ATP13A5: variants seen among roughly 807,000 people sequenced by gnomAD.
ATP13A5 encodes the protein probable cation-transporting ATPase 13A5.
Under a neutral mutation model 150.2 loss-of-function variants are expected in ATP13A5, and 149 were observed. The ratio of observed to expected loss-of-function variants is 0.99; its 90% CI spans 0.87 to 1.14. ATP13A5 has a LOEUF of 1.14. ATP13A5 is among the 50% of genes most tolerant of loss of function. ATP13A5 has a pLI of 0.00. For synonymous variants in ATP13A5, 497 were observed against 522.2 expected (o/e 0.95, Z 0.66); for missense variants, 1,383 against 1,449.3 (o/e 0.95, Z 0.74).
At position 193,307,379 on chromosome 3, in the gene ATP13A5, A is replaced by T. The variant is rs1718658533; in HGVS notation, c.2526-10T>A. ...CATGCCCACATAATAACTGCGGGAG[A>T]CAGGAGAAGAAGGATTAATAGGTAA... On this transcript the variant is annotated splice_polypyrimidine_tract_variant and intron_variant, in intron 21 of 29. Coordinates refer to ENST00000342358, the MANE Select transcript of ATP13A5 (RefSeq NM_198505.4). 1.4e-5 allele frequency: 22 copies of T among 1,613,688 alleles called. No homozygotes were observed. Among genetic ancestry groups the T allele is most frequent in the Non-Finnish European group, 1.9e-5 (22 of 1,179,782 alleles).
chr3:193,331,244 G>A lies in ATP13A5; in HGVS notation c.1340C>T (p.Pro447Leu), dbSNP rs567460397. The change falls in exon 12 of 30, where the codon CCA becomes CTA. Residue 447 changes from proline (P) to leucine (L), a missense_variant. Pro to Leu is a moderately conservative substitution (Grantham distance 98, BLOSUM62 -3). Coordinates refer to ENST00000342358, the MANE Select transcript of ATP13A5 (RefSeq NM_198505.4). ...LLTVTVPPVL[P>L]AALTIGNVYA... The stretch of plus-strand genomic sequence containing the variant: ...CACGTTGCCTATGGTCAGGGCAGCT[G>A]GCAGCACTGGAGGGACAGTCACGGT... The A allele has an allele frequency of 1.6e-5, 26 of 1,614,076 alleles. No individual in the cohort carries two copies. The South Asian group carries it at 2.6e-4, about 16-fold the overall frequency.
intron 5 of ATP13A5, among the ~76,000 whole-genome samples, chr3:193,359,407 T>C (rs1712918929): frequency 1.3e-5 from 2 of 152,168 alleles, no homozygotes. Context: ...TCTCACCTTC[T>C]TTTTGCTTCT....
intron 24 of ATP13A5, among the ~76,000 whole-genome samples, chr3:193,300,287 C>G (rs1270893648): frequency 6.6e-6 from 1 of 152,122 alleles, no homozygotes; most frequent in Non-Finnish European, 1.5e-5. Flanking sequence ...CTAGGAGAAG[C>G]TTTCATGGAA....
rs1355753285 is a variant in ATP13A5 at position 193,289,926 on chromosome 3, A to G, written c.2982T>C (p.Tyr994=). 10 of 1,611,624 alleles carry G rather than the reference A, an allele frequency of 6.2e-6. No homozygotes were observed. In the African/African-American group the frequency reaches 1.1e-4, roughly 17 times the overall value. ...SCIVQISAFL[Y]VKQQPWYCEV... ...CACAATACCAAGGCTGCTGCTTCAC[A>G]TAGAGAAATGCACTGATCTGCACAA... The change falls in exon 26 of 30, where the codon TAT becomes TAC. Residue 994 remains tyrosine, a synonymous_variant. Transcript: ENST00000342358.
intron 25 of ATP13A5, among the ~76,000 whole-genome samples, chr3:193,291,770 G>A (rs1717962951): frequency 6.6e-6 from 1 of 151,982 alleles, no homozygotes; most frequent in African/African-American, 2.4e-5. Flanking sequence ...CCATCGATGT[G>A]CCAAGAGGGT....
At chr3:193,284,463 A>G (rs1717634864) in intron 27 of ATP13A5, among the ~76,000 whole-genome samples, 1 of 152,314 alleles carries the variant, frequency 6.6e-6, no homozygotes, top group East Asian at 1.9e-4. Context: ...TGCTAGGCCC[A>G]TTCCATAAAA....
At position 193,333,780 on chromosome 3, in the gene ATP13A5, G is replaced by GA. The variant is rs1372907768; in HGVS notation, c.1241dup (p.Tyr415LeufsTer72). ...GGTACATATATACCCCTAGGGCATA[G>GA]AAAAAACCCATGACACCAAGGCAGG... On this transcript the variant is annotated frameshift_variant, in exon 11 of 30. Transcript: ENST00000342358. LOFTEE classifies it high-confidence loss of function. 15 of 1,613,718 alleles carry GA rather than the reference G, an allele frequency of 9.3e-6. No homozygotes were observed. Among genetic ancestry groups the GA allele is most frequent in the Non-Finnish European group, 1.1e-5 (13 of 1,179,840 alleles).
chr3:193,369,334 G>A (rs897300602), intron 1 of ATP13A5, among the ~76,000 whole-genome samples: 3 of 151,804 alleles, frequency 2.0e-5, no homozygotes, highest in Non-Finnish European at 4.4e-5. Flanking sequence ...AAGAGGCCAA[G>A]CATGGTGGCT....
At chr3:193,277,647 CT>C (rs1190291003) in intron 28 of ATP13A5, 1 of 152,128 alleles carries the variant, frequency 6.6e-6, no homozygotes, top group Non-Finnish European at 1.5e-5. Flanking sequence ...TGGAGACAGT[CT>C]TAATCAAGTT....
intron 21 of ATP13A5, among the ~76,000 whole-genome samples, chr3:193,309,577 G>A (rs922395796): frequency 6.6e-6 from 1 of 152,148 alleles, no homozygotes; most frequent in Non-Finnish European, 1.5e-5. Flanking sequence ...AAGGGAATAC[G>A]GCAAGGGTGA....
At chr3:193,309,535 C>G (rs999976366) in intron 21 of ATP13A5, among the ~76,000 whole-genome samples, 3 of 152,152 alleles carry the variant, frequency 2.0e-5, no homozygotes, top group Non-Finnish European at 4.4e-5. Flanking sequence ...CTCCCCTGGA[C>G]GTGGGCTGGA....
intron 27 of ATP13A5, among the ~76,000 whole-genome samples, chr3:193,282,344 A>G (rs1301492689): frequency 6.6e-6 from 1 of 152,218 alleles, no homozygotes; most frequent in Non-Finnish European, 1.5e-5. Flanking sequence ...AGTCATTCAC[A>G]ATATAAGCAA....
chr3:193,360,223 C>T (rs753442105), intron 5 of ATP13A5, among the ~76,000 whole-genome samples: 18 of 152,276 alleles, frequency 1.2e-4, no homozygotes, highest in Admixed American at 3.3e-4. Flanking sequence ...AATTTCTCTC[C>T]GGGGTAAAGT....
intron 25 of ATP13A5, among the ~76,000 whole-genome samples, chr3:193,294,964 A>G (rs1718105790): frequency 6.6e-6 from 1 of 152,144 alleles, no homozygotes; most frequent in Non-Finnish European, 1.5e-5. Flanking sequence ...GCCACTGCCC[A>G]GCATCCTAAG....
rs1352364698 is a variant in ATP13A5, at chr3:193,314,073, C to T, written c.2279G>A (p.Trp760Ter). The T allele has an allele frequency of 1.2e-6, 2 of 1,613,606 alleles. No individual in the cohort carries two copies. The highest frequency in any genetic ancestry group is 1.1e-5 in the South Asian group (1 of 91,056). ...PEEFVPASVTWQLVENQETGP... is the reference protein window; with the variant it reads ...PEEFVPASVT The stretch of plus-strand genomic sequence containing the variant: ...AGTCTCTTGGTTCTCCACCAGCTGC[C>T]AGGTCACAGAGGCAGGAACAAATTC... Residue 760 changes from tryptophan to a stop codon, truncating the protein, a stop_gained, in exon 19 of 30, where the codon TGG becomes TAG. Coordinates refer to ENST00000342358, the MANE Select transcript of ATP13A5 (RefSeq NM_198505.4). LOFTEE classifies it high-confidence loss of function.
Position 193,289,899 on chromosome 3 carries a change from C to T in ATP13A5, c.3009G>A (p.Glu1003=), listed in dbSNP as rs753009103. 6.2e-7 allele frequency: 1 copy of T among 1,604,662 alleles called. No individual in the cohort carries two copies. The highest frequency in any genetic ancestry group is 1.3e-5 in the African/African-American group (1 of 74,358). The change falls in exon 26 of 30, where the codon GAG becomes GAA. Residue 1003 remains glutamate, a synonymous_variant. Coordinates refer to ENST00000342358, the MANE Select transcript of ATP13A5 (RefSeq NM_198505.4). ...LYVKQQPWYC[E]VYQYSECFLA... ...AATGAACTTACCTGTATTGGTAGAC[C>T]TCACAATACCAAGGCTGCTGCTTCA...
chr3:193,371,229 G>A (rs2108585096), intron 1 of ATP13A5, among the ~76,000 whole-genome samples: 1 of 152,314 alleles, frequency 6.6e-6, no homozygotes, highest in East Asian at 1.9e-4. Context: ...GTTAACCAGG[G>A]AGGGAGTCTC....
chr3:193,321,209 G>A (rs941361189), intron 16 of ATP13A5, among the ~76,000 whole-genome samples: 6 of 152,086 alleles, frequency 3.9e-5, no homozygotes, highest in East Asian at 1.9e-4. Context: ...ATATTTAGTC[G>A]CTGCCTCCCA....
In ATP13A5 at chr3:193,275,086, A is replaced by G; in HGVS notation, c.3613T>C (p.Leu1205=). The change falls in exon 30 of 30, where the codon TTG becomes CTG. Residue 1205 remains leucine (L), a synonymous_variant. Transcript: ENST00000342358. Reference sequence around the variant, plus strand: ...TGCTGTTCTGTGGGTTGGCCTCCCAATTTGAGTTTTCTTTTTGGAATCTGT... The same window carrying G: ...TGCTGTTCTGTGGGTTGGCCTCCCAGTTTGAGTTTTCTTTTTGGAATCTGT... The part of the protein sequence containing the change: ...HEQIPKRKLK[L]GGQPTEQHFW... 1 of 1,614,144 alleles carries G rather than the reference A, an allele frequency of 6.2e-7. No individual in the cohort carries two copies. The highest frequency in any genetic ancestry group is 1.3e-5 in the African/African-American group (1 of 75,022).
Sources: gnomAD v4.1 joint callset for allele counts (sites outside exome capture counted in the v4.1 genomes callset) on GRCh38, gnomAD v4.1.1 for gene constraint, MANE v1.5 for transcripts, NCBI Gene and HGNC (gene_info 2026-07-23, HGNC 2026-07-21) for gene names.